The following THSD4 variants were observed in gnomAD, a reference collection of about 807,000 sequenced individuals.
The protein encoded by THSD4 is thrombospondin type 1 domain containing 4, also known as thrombospondin type-1 domain-containing protein 4.
Under a neutral mutation model 119.0 loss-of-function variants are expected in THSD4, and 69 were observed. That is an observed-to-expected ratio of 0.58 (90% CI 0.48 to 0.71). The LOEUF (loss-of-function observed/expected upper bound fraction) is 0.71. Among genes scored for constraint, THSD4 ranks in the 30% least tolerant of loss-of-function variants. THSD4 has a pLI of 0.00. For synonymous variants in THSD4, 524 were observed against 540.4 expected (o/e 0.97, Z 0.42); for missense variants, 1,393 against 1,391.1 (o/e 1.00, Z -0.02).
At chr15:71,372,956 C>G (rs1052543230) in intron 6 of THSD4, among the ~76,000 whole-genome samples, 2 of 152,232 alleles carry the variant, frequency 1.3e-5, no homozygotes, top group Non-Finnish European at 2.9e-5. Context: ...CTTTGTTTAC[C>G]TACTCAAGCC....
chr15:71,757,860 G>C (rs909201327), intron 14 of THSD4, 42 bp from the exon 15 acceptor site: 2 of 1,607,498 alleles, frequency 1.2e-6, no homozygotes, highest in Non-Finnish European at 1.7e-6. Context: ...TTCAGCAGCT[G>C]CCAGGGCCTC....
chr15:71,731,088 C>T lies in THSD4; in HGVS notation c.1534-33C>T, dbSNP rs374283683. 1.1e-5 allele frequency: 17 copies of T among 1,610,198 alleles called. No homozygotes were observed. The African/African-American group carries it at 2.0e-4, about 19-fold the overall frequency. ...ACCCAGAAGGGGTGTGCATACGTGCCAAGTGCGGTAACACTGATTTTTGTG... is the reference window on the plus strand; with the variant it reads ...ACCCAGAAGGGGTGTGCATACGTGCTAAGTGCGGTAACACTGATTTTTGTG... On this transcript the variant is annotated intron_variant, in intron 9 of 17. Transcript: ENST00000261862.
intron 3 of THSD4, among the ~76,000 whole-genome samples, chr15:71,206,777 C>T (rs2140243231): frequency 1.3e-5 from 2 of 152,346 alleles, no homozygotes; most frequent in South Asian, 4.1e-4. Flanking sequence ...TCTTAGTTCA[C>T]TCTGTGCCTC....
chr15:71,608,539 T>C (rs1465229353), intron 7 of THSD4, among the ~76,000 whole-genome samples: 2 of 152,180 alleles, frequency 1.3e-5, no homozygotes, highest in African/African-American at 4.8e-5. Flanking sequence ...TTGTTTCCAG[T>C]TTTCTGTAAA....
chr15:71,753,692 T>C (rs1311751905), intron 14 of THSD4, among the ~76,000 whole-genome samples: 1 of 152,248 alleles, frequency 6.6e-6, no homozygotes, highest in Non-Finnish European at 1.5e-5. Flanking sequence ...GTTTGGAGCC[T>C]CACCTGGAAG....
chr15:71,153,412 T>C (rs1357736230), intron 2 of THSD4, among the ~76,000 whole-genome samples: 2 of 152,208 alleles, frequency 1.3e-5, no homozygotes, highest in Non-Finnish European at 2.9e-5. Flanking sequence ...TTAGTATCCA[T>C]GTTCTCAGCT....
chr15:71,156,321 G>A (rs897287822), intron 3 of THSD4, among the ~76,000 whole-genome samples: 25 of 151,174 alleles, frequency 1.7e-4, no homozygotes, highest in Non-Finnish European at 2.7e-4. Context: ...GCAATGGCAC[G>A]ATCTTGGCTC....
intron 1 of THSD4, among the ~76,000 whole-genome samples, chr15:71,105,654 C>T (rs1402602451): frequency 1.3e-5 from 2 of 152,192 alleles, no homozygotes; most frequent in South Asian, 2.1e-4. Flanking sequence ...GCCAGGACCA[C>T]GGACAAAGAC....
chr15:71,448,130 G>T (rs948877568), intron 7 of THSD4, among the ~76,000 whole-genome samples: 46 of 152,278 alleles, frequency 3.0e-4, no homozygotes, highest in Non-Finnish European at 2.9e-5. Flanking sequence ...TCTATTTCTT[G>T]TTCTGTCTGC....
chr15:71,529,538 T>TG (rs2048578591), intron 7 of THSD4, among the ~76,000 whole-genome samples: 1 of 152,228 alleles, frequency 6.6e-6, no homozygotes, highest in African/African-American at 2.4e-5. Context: ...AATTGAAAGC[T>TG]GGGGTTAGTG....
At chr15:71,467,529 T>C (rs2047517157) in intron 7 of THSD4, among the ~76,000 whole-genome samples, 1 of 152,186 alleles carries the variant, frequency 6.6e-6, no homozygotes, top group African/African-American at 2.4e-5. Flanking sequence ...ATTCTTTTCT[T>C]GTCCCTGTGT....
chr15:71,297,388 TG>T (rs2044880302), intron 6 of THSD4, among the ~76,000 whole-genome samples: 1 of 150,364 alleles, frequency 6.7e-6, no homozygotes, highest in South Asian at 2.1e-4. Context: ...CAGACTGGAG[TG>T]CAGTGGCGCA....
intron 7 of THSD4, among the ~76,000 whole-genome samples, chr15:71,629,922 G>A (rs2050590186): frequency 6.6e-6 from 1 of 152,164 alleles, no homozygotes; most frequent in Non-Finnish European, 1.5e-5. Context: ...ACCCTTGGAG[G>A]CGCCTTTGTA....
intron 7 of THSD4, among the ~76,000 whole-genome samples, chr15:71,617,118 A>G (rs1377446443): frequency 1.3e-5 from 2 of 152,194 alleles, no homozygotes; most frequent in African/African-American, 4.8e-5. Flanking sequence ...AAATGTCCTC[A>G]GAAGCTTAGA....
intron 7 of THSD4, chr15:71,547,191 C>T (rs954081535): frequency 1.8e-5 from 24 of 1,321,208 alleles, no homozygotes; most frequent in South Asian, 8.6e-5. Flanking sequence ...CTCCCCCAGC[C>T]GGGAGAAGTT....
At chr15:71,609,318 A>G (rs1423382622) in intron 7 of THSD4, among the ~76,000 whole-genome samples, 39 of 152,220 alleles carry the variant, frequency 2.6e-4, no homozygotes, top group Admixed American at 2.5e-3. Flanking sequence ...TCACTGTGGA[A>G]GGGGTCATTT....
rs2053990905 is a variant in THSD4 at position 71,781,058 on chromosome 15, G to A, written c.*3684G>A. On this transcript the variant is annotated 3_prime_UTR_variant, in exon 18 of 18. Transcript: ENST00000261862. ...AACATGACTTCCCTTAAAACAGGCT[G>A]GATAATCTATATCAGCCTTGTGGGT... 1 of 312,032 alleles carries A rather than the reference G, an allele frequency of 3.2e-6. No homozygotes were observed. The highest frequency in any genetic ancestry group is 2.2e-5 in the African/African-American group (1 of 46,294). The allele number at this position is 312,032 out of a possible 1,614,324, so 19.3% of individuals were successfully genotyped here. A position where few individuals can be genotyped will look rare whatever the true frequency, so the allele number is the denominator to read the frequency against.
intron 8 of THSD4, among the ~76,000 whole-genome samples, chr15:71,693,861 T>A (rs993227950): frequency 1.3e-5 from 2 of 152,122 alleles, no homozygotes; most frequent in African/African-American, 4.8e-5. Flanking sequence ...CCTGCCATGA[T>A]TGTGAGGCTT....
chr15:71,523,379 T>C (rs1053863886), intron 7 of THSD4, among the ~76,000 whole-genome samples: 2 of 152,220 alleles, frequency 1.3e-5, no homozygotes, highest in African/African-American at 4.8e-5. Context: ...GTTTCTCTTC[T>C]GTGTGTCTCT....
Sources: gnomAD v4.1 joint callset for allele counts (sites outside exome capture counted in the v4.1 genomes callset) on GRCh38, gnomAD v4.1.1 for gene constraint, MANE v1.5 for transcripts, NCBI Gene and HGNC (gene_info 2026-07-23, HGNC 2026-07-21) for gene names.